PRDM6: variants seen among roughly 807,000 people sequenced by gnomAD.
PRDM6 encodes PR/SET domain 6.
A neutral mutation model predicts 60.8 loss-of-function variants in PRDM6; 25 were observed. The observed-to-expected ratio is 0.41, with a 90% CI of 0.30 to 0.57. The LOEUF is 0.57. Among genes scored for constraint, PRDM6 ranks in the 20% least tolerant of loss-of-function variants. The pLI, the probability that PRDM6 is intolerant of heterozygous loss-of-function variation, is 0.27. For missense variants in PRDM6, 839 were observed against 821.3 expected (o/e 1.02, Z -0.26); for synonymous variants, 407 against 357.4 (o/e 1.14, Z -1.57).
intron 5 of PRDM6, among the ~76,000 whole-genome samples, chr5:123,164,815 A>G (rs2126879364): frequency 6.6e-6 from 1 of 152,046 alleles, no homozygotes; most frequent in African/African-American, 2.4e-5. Context: ...GGGGGCTGAC[A>G]TCTCGGATGA....
intron 3 of PRDM6, among the ~76,000 whole-genome samples, chr5:123,148,600 T>A (rs1765302024): frequency 6.6e-6 from 1 of 152,186 alleles, no homozygotes; most frequent in Admixed American, 6.5e-5. Flanking sequence ...ATTGTCTTTT[T>A]TTTTTTAATG....
chr5:123,129,378 T>G (rs1212311645), intron 3 of PRDM6, among the ~76,000 whole-genome samples: 1 of 152,240 alleles, frequency 6.6e-6, no homozygotes, highest in Admixed American at 6.5e-5. Context: ...ACAATATTGA[T>G]TCTTCCTATC....
intron 3 of PRDM6, among the ~76,000 whole-genome samples, chr5:123,122,753 T>C (rs1464155917): frequency 6.6e-6 from 1 of 152,170 alleles, no homozygotes; most frequent in Non-Finnish European, 1.5e-5. Context: ...TTTCACTGTA[T>C]TTAATTCTAG....
intron 3 of PRDM6, among the ~76,000 whole-genome samples, chr5:123,146,964 T>C (rs1177136957): frequency 6.6e-6 from 1 of 152,228 alleles, no homozygotes; most frequent in Non-Finnish European, 1.5e-5. Flanking sequence ...AGATACAGGT[T>C]TTCTTGATTA....
At chr5:123,155,679 C>T (rs915169827) in intron 3 of PRDM6, among the ~76,000 whole-genome samples, 4 of 152,154 alleles carry the variant, frequency 2.6e-5, no homozygotes, top group Non-Finnish European at 4.4e-5. Context: ...AGAAGATTGG[C>T]TTGATAAGAA....
At chr5:123,151,745 T>A (rs138138709) in intron 3 of PRDM6, among the ~76,000 whole-genome samples, 1 of 152,210 alleles carries the variant, frequency 6.6e-6, no homozygotes, top group East Asian at 1.9e-4. Flanking sequence ...GGAAATGTGC[T>A]GCCTGTGCTT....
chr5:123,180,734 C>A (rs1357481996), intron 7 of PRDM6, among the ~76,000 whole-genome samples: 2 of 152,136 alleles, frequency 1.3e-5, no homozygotes, highest in Non-Finnish European at 2.9e-5. Flanking sequence ...TTAGAACATC[C>A]GAATAATCCC....
chr5:123,172,010 T>C (rs1250755951), intron 6 of PRDM6, among the ~76,000 whole-genome samples: 1 of 152,160 alleles, frequency 6.6e-6, no homozygotes, highest in Admixed American at 6.5e-5. Context: ...AAAATGCACT[T>C]TGAATATAAA....
At chr5:123,136,497 G>GA (rs984606072) in intron 3 of PRDM6, among the ~76,000 whole-genome samples, 4 of 151,924 alleles carry the variant, frequency 2.6e-5, no homozygotes, top group African/African-American at 9.7e-5. Flanking sequence ...AATATAAAAA[G>GA]AAAAAATAAC....
chr5:123,090,654 C>A, intron 2 of PRDM6, 48 bp downstream of exon 2: 1 of 1,199,780 alleles, frequency 8.3e-7, no homozygotes, highest in South Asian at 1.4e-5. Context: ...CCGGCGCCGG[C>A]GCCGGCGGGC....
Position 123,090,276 on chromosome 5 carries a change from A to ACCTCCACCT in PRDM6, c.267_268insACCTCCTCC (p.Ser89_Ala90insThrSerSer). ...CTCGTCCACGCCGGCTTCCTCTTCC[A>ACCTCCACCT]CCTCCGCCTCCTCCGCCTCCTCCTG... On this transcript the variant is annotated inframe_insertion, in exon 2 of 8. Transcript: ENST00000407847. The ACCTCCACCT allele has an allele frequency of 6.7e-7, 1 of 1,481,676 alleles. No homozygotes were observed. 91.8% of individuals were successfully genotyped at this position (1,481,676 alleles called of 1,614,324 possible).
At chr5:123,152,701 T>C (rs1765397178) in intron 3 of PRDM6, among the ~76,000 whole-genome samples, 1 of 152,206 alleles carries the variant, frequency 6.6e-6, no homozygotes, top group South Asian at 2.1e-4. Context: ...TCACAGACAG[T>C]TGTTGTAACG....
chr5:123,119,581 G>C (rs973010563), intron 3 of PRDM6, among the ~76,000 whole-genome samples: 1 of 152,208 alleles, frequency 6.6e-6, no homozygotes, highest in African/African-American at 2.4e-5. Context: ...GAATGCATCT[G>C]TTTGTGGGCT....
At chr5:123,123,226 C>T (rs888166296) in intron 3 of PRDM6, among the ~76,000 whole-genome samples, 1 of 152,180 alleles carries the variant, frequency 6.6e-6, no homozygotes. Flanking sequence ...ATCTTTTCCT[C>T]TTTCATATTA....
At chr5:123,136,608 AT>A (rs935578059) in intron 3 of PRDM6, among the ~76,000 whole-genome samples, 3 of 152,162 alleles carry the variant, frequency 2.0e-5, no homozygotes, top group Non-Finnish European at 4.4e-5. Flanking sequence ...TTTCTTCTGA[AT>A]TTTAATTCTC....
intron 3 of PRDM6, among the ~76,000 whole-genome samples, chr5:123,146,007 G>T (rs1765230111): frequency 6.6e-6 from 1 of 152,188 alleles, no homozygotes; most frequent in African/African-American, 2.4e-5. Flanking sequence ...GGCATAGTGT[G>T]TGTCTGCGCA....
intron 4 of PRDM6, among the ~76,000 whole-genome samples, chr5:123,157,516 T>G (rs1303860914): frequency 6.6e-6 from 1 of 152,044 alleles, no homozygotes. Flanking sequence ...ATTAAGTGGG[T>G]TTTTTACAAC....
At chr5:123,172,572 T>C (rs754592010) in intron 6 of PRDM6, among the ~76,000 whole-genome samples, 122 of 152,236 alleles carry the variant, frequency 8.0e-4, no homozygotes, top group Non-Finnish European at 1.1e-3. Flanking sequence ...CCTCAAGATA[T>C]GTCTCTTTTA....
intron 3 of PRDM6, among the ~76,000 whole-genome samples, chr5:123,148,425 TA>T (rs1765295909): frequency 1.3e-5 from 2 of 152,094 alleles, no homozygotes; most frequent in Non-Finnish European, 2.9e-5. Flanking sequence ...AACAACAAAG[TA>T]AGTTAATTGT....
Sources: allele counts gnomAD v4.1 joint callset (sites outside exome capture counted in the v4.1 genomes callset), GRCh38; gene constraint gnomAD v4.1.1; transcripts MANE v1.5; gene names NCBI Gene and HGNC (gene_info 2026-07-23, HGNC 2026-07-21).